Variants in ABCF1 observed in about 807,000 individuals in gnomAD.
ABCF1 encodes ATP-binding cassette sub-family F member 1.
Under a neutral mutation model 126.3 loss-of-function variants are expected in ABCF1, and 73 were observed. The observed-to-expected ratio is 0.58, with a 90% CI of 0.48 to 0.70. ABCF1 has a LOEUF of 0.70. Ranked by LOEUF, ABCF1 falls within the 30% of genes least tolerant of loss-of-function variation. The pLI is 0.00. For missense variants in ABCF1, 786 were observed against 1,057.5 expected, an observed-to-expected ratio of 0.74 and a Z score of 3.56; for synonymous variants, 345 against 396.4, an observed-to-expected ratio of 0.87 and a Z score of 1.54.
chr6:30,584,260 C>T lies in ABCF1; in HGVS notation c.1171C>T (p.Leu391=), dbSNP rs1443875421. Residue 391 remains leucine, a synonymous_variant, in exon 13 of 25, where the codon CTG becomes TTG. Transcript: ENST00000326195. This position sits in a 1 kb window ranked among gnomAD's most constrained non-coding sequence, Gnocchi z 4.6. ...AGCTGACACCAAGCGATTGAAGCTG[C>T]TGGAAGAGGAGCGGCGGCTTCAGGG... is the stretch of plus-strand genomic sequence containing the variant. ...LRADTKRLKL[L]EEERRLQGQL... 10 of 1,613,114 alleles carry T rather than the reference C, an allele frequency of 6.2e-6. No individual in the cohort carries two copies. Among genetic ancestry groups the T allele is most frequent in the African/African-American group, 5.3e-5 (4 of 75,018 alleles).
At position 30,584,805 on chromosome 6, in the gene ABCF1, TG is replaced by T. The variant is rs1802024467; in HGVS notation, c.1391+241del. Among the ~76,000 whole-genome samples, 1 of 152,166 alleles carries T rather than the reference TG, an allele frequency of 6.6e-6. No individual in the cohort carries two copies. The highest frequency in any genetic ancestry group is 2.4e-5 in the African/African-American group (1 of 41,440). On this transcript the variant is annotated intron_variant, in intron 14 of 24. Coordinates refer to ENST00000326195, the MANE Select transcript of ABCF1 (RefSeq NM_001025091.2). The surrounding 1 kb of genome is among the most constrained non-coding windows in gnomAD (Gnocchi z 4.6). ...GGTCACGCCTGTAATCCCAGCACTT[TG>T]GAAGGCAGAGGCAGGAGGATTATCT...
In ABCF1 at chr6:30,583,131, G is replaced by T. The variant is rs148328109; in HGVS notation, c.858G>T (p.Val286=). Residue 286 remains valine, a synonymous_variant, in exon 10 of 25, where the codon GTG becomes GTT. Coordinates refer to ENST00000326195, the MANE Select transcript of ABCF1 (RefSeq NM_001025091.2). The surrounding 1 kb of genome is among the most constrained non-coding windows in gnomAD (Gnocchi z 4.1). ...ATGCAGCTGAAAATGACTTCTCCGT[G>T]TCCCAGGCGGAGATGTCCTCCCGCC... ...AANAAENDFS[V]SQAEMSSRQA... is the part of the protein sequence containing the mutation. The T allele has an allele frequency of 3.1e-6, 5 of 1,611,482 alleles. No individual in the cohort carries two copies. Among genetic ancestry groups the T allele is most frequent in the Non-Finnish European group, 4.2e-6 (5 of 1,178,792 alleles).
At position 30,585,652 on chromosome 6, in the gene ABCF1, C is replaced by T; in HGVS notation, c.1570C>T (p.Gln524Ter). 2 of 1,613,006 alleles carry T rather than the reference C, an allele frequency of 1.2e-6. No individual in the cohort carries two copies. Among genetic ancestry groups the T allele is most frequent in the Non-Finnish European group, 1.7e-6 (2 of 1,180,014 alleles). Reference protein sequence around the residue: ...VCTDIIHLDAQRLHYYRGNYM... With the variant: ...VCTDIIHLDA ...CACTGATATCATCCACCTCGATGCC[C>T]AGCGGCTCCACTACTATAGGGGCAA... Residue 524 changes from glutamine to a stop codon, truncating the protein, a stop_gained, in exon 16 of 25, where the codon CAG becomes TAG. Transcript: ENST00000326195. LOFTEE classifies it high-confidence loss of function.
At position 30,573,984 on chromosome 6, in the gene ABCF1, T is replaced by C. The variant is rs1264450; in HGVS notation, c.73+2424T>C. ...CCTTGAAGGAGCAGCTTAAGCGATA[T>C]ACGAAAGGAGAGAAGACACAGTATA... On this transcript the variant is annotated intron_variant, in intron 1 of 24. Transcript: ENST00000326195. Among the ~76,000 whole-genome samples the C allele has an allele frequency of 7.2e-3, 1,101 of 152,278 alleles. 9 individuals carry two copies. Among genetic ancestry groups the C allele is most frequent in the Admixed American group, 9.7e-3 (148 of 15,300 alleles).
At chr6:30,571,642 C>T in intron 1 of ABCF1, 82 bp downstream of exon 1, 1 of 1,460,770 alleles carries the variant, frequency 6.8e-7, no homozygotes, top group South Asian at 1.2e-5. Context: ...GGTCATGGGG[C>T]ACGAGACTGA....
chr6:30,590,935 G>C lies in ABCF1; in HGVS notation c.*234G>C. On this transcript the variant is annotated 3_prime_UTR_variant, in exon 25 of 25. Coordinates refer to ENST00000326195, the MANE Select transcript of ABCF1 (RefSeq NM_001025091.2). ...ATATAACTGAGCTGGCCTTATCCTT[G>C]GCATCCCCCTAAACAAACAAGAGGT... The C allele has an allele frequency of 2.1e-6, 1 of 482,992 alleles. No individual in the cohort carries two copies. 29.9% of individuals were successfully genotyped at this position (482,992 alleles called of 1,614,324 possible).
chr6:30,574,283 GGCTTATTTTTT>G lies in ABCF1; in HGVS notation c.73+2725_73+2735del, dbSNP rs1160603895. The stretch of plus-strand genomic sequence containing the variant: ...ACTACAGGCACACACCGCCATGCCT[GGCTTATTTTTT>G]GTTTGTTTTTGTTTTTTGTTTTCTG... On this transcript the variant is annotated intron_variant, in intron 1 of 24. Transcript: ENST00000326195. The surrounding 1 kb of genome is among the most constrained non-coding windows in gnomAD (Gnocchi z 4.3). Among the ~76,000 whole-genome samples, 3 of 152,018 alleles carry G rather than the reference GGCTTATTTTTT, an allele frequency of 2.0e-5. No individual in the cohort carries two copies. Among genetic ancestry groups the G allele is most frequent in the Admixed American group, 2.0e-4 (3 of 15,254 alleles).
chr6:30,583,687 A>G lies in ABCF1; in HGVS notation c.995A>G (p.Tyr332Cys). The change falls in exon 11 of 25, where the codon TAC becomes TGC. Residue 332 changes from tyrosine (Y) to cysteine (C), a missense_variant. Tyr to Cys is a radical substitution (Grantham distance 194). This residue lies in a region of ABCF1 where 163 missense variants were observed against 255.3 expected (regional missense o/e 0.64). Coordinates refer to ENST00000326195, the MANE Select transcript of ABCF1 (RefSeq NM_001025091.2). The surrounding 1 kb of genome is among the most constrained non-coding windows in gnomAD (Gnocchi z 4.1). Reference sequence around the variant, plus strand: ...CTGTACATTGTAGCCGGCCGCCGCTACGGGCTGGTAGGACCCAATGGGTGA... The same window carrying G: ...CTGTACATTGTAGCCGGCCGCCGCTGCGGGCTGGTAGGACCCAATGGGTGA... ...ADLYIVAGRRYGLVGPNGKGK... is the reference protein window; with the variant it reads ...ADLYIVAGRRCGLVGPNGKGK... The G allele has an allele frequency of 6.2e-7, 1 of 1,614,078 alleles. No individual in the cohort carries two copies. The highest frequency in any genetic ancestry group is 8.5e-7 in the Non-Finnish European group (1 of 1,179,944).
Position 30,578,128 on chromosome 6 carries a change from A to G in ABCF1, c.269A>G (p.Asp90Gly). ...RKGRRKKDVD[D>G]DGEEKELMER... ...GGCAGGCGGAAGAAGGATGTGGATG[A>G]TGATGGAGAAGAGAAAGAGCTCATG... is the stretch of plus-strand genomic sequence containing the variant. Residue 90 changes from aspartate (D) to glycine (G), a missense_variant, in exon 4 of 25, where the codon GAT becomes GGT. Coordinates refer to ENST00000326195, the MANE Select transcript of ABCF1 (RefSeq NM_001025091.2). 1 of 1,614,048 alleles carries G rather than the reference A, an allele frequency of 6.2e-7. No homozygotes were observed. Among genetic ancestry groups the G allele is most frequent in the East Asian group, 2.2e-5 (1 of 44,878 alleles).
At chr6:30,575,242 G>A (rs1173515246) in intron 1 of ABCF1, among the ~76,000 whole-genome samples, 3 of 151,718 alleles carry the variant, frequency 2.0e-5, no homozygotes, top group African/African-American at 7.3e-5. Context: ...GCTAATTTTT[G>A]TATTTTTAGT....
rs1802389764 is a variant in ABCF1, at chr6:30,590,509, T to C, written c.2372-26T>C. 6 of 1,600,658 alleles carry C rather than the reference T, an allele frequency of 3.7e-6. No homozygotes were observed. The South Asian group carries it at 4.5e-5, about 12-fold the overall frequency. On this transcript the variant is annotated intron_variant, in intron 24 of 24. Coordinates refer to ENST00000326195, the MANE Select transcript of ABCF1 (RefSeq NM_001025091.2). ...CCCTCTTTCTCCTTTCTTCCTGCCC[T>C]CTGTTGTTGCTATCTTTCTTCAAAG...
At chr6:30,576,754 G>A (rs1396637669) in intron 1 of ABCF1, among the ~76,000 whole-genome samples, 1 of 152,094 alleles carries the variant, frequency 6.6e-6, no homozygotes, top group Non-Finnish European at 1.5e-5. Context: ...ACTTTAAAGT[G>A]TGAAAGTGAT....
At position 30,590,341 on chromosome 6, in the gene ABCF1, T is replaced by C; in HGVS notation, c.2334T>C (p.Ile778=). 6.2e-7 allele frequency: 1 copy of C among 1,611,980 alleles called. No individual in the cohort carries two copies. Among genetic ancestry groups the C allele is most frequent in the Non-Finnish European group, 8.5e-7 (1 of 1,179,342 alleles). Residue 778 remains isoleucine, a synonymous_variant, in exon 24 of 25, where the codon ATT becomes ATC. Transcript: ENST00000326195. ...EPTNNLDIES[I]DALGEAINEY... The stretch of plus-strand genomic sequence containing the variant: ...CCAATAACCTGGACATAGAGTCTAT[T>C]GATGCTCTAGGGGAGGCCATCAATG...
In ABCF1 at chr6:30,591,001, G is replaced by A; in HGVS notation, c.*300G>A. 1 of 359,918 alleles carries A rather than the reference G, an allele frequency of 2.8e-6. No individual in the cohort carries two copies. The highest frequency in any genetic ancestry group is 4.4e-5 in the East Asian group (1 of 22,608). The allele number at this position is 359,918 out of a possible 1,614,324, so 22.3% of individuals were successfully genotyped here. A position where few individuals can be genotyped will look rare whatever the true frequency, so the allele number is the denominator to read the frequency against. On this transcript the variant is annotated 3_prime_UTR_variant, in exon 25 of 25. Transcript: ENST00000326195. ...AGGTTCCATCCAGCCAAGTTTATGT[G>A]GCCTATTGTCTCAGGACTCTCATCA...
At chr6:30,588,757 A>G (rs1298870633) in intron 20 of ABCF1, among the ~76,000 whole-genome samples, 1 of 151,960 alleles carries the variant, frequency 6.6e-6, no homozygotes, top group African/African-American at 2.4e-5. Flanking sequence ...TTGAGAGGCC[A>G]TTTTCTCATA....
intron 9 of ABCF1, 73 bp downstream of exon 9, chr6:30,582,580 G>T: frequency 6.6e-7 from 1 of 1,507,936 alleles, no homozygotes; most frequent in South Asian, 1.2e-5. Context: ...TGCGATTGGG[G>T]ACACGAAGGA....
intron 4 of ABCF1, 54 bp from the exon 5 acceptor site, chr6:30,578,294 G>A: frequency 6.2e-7 from 1 of 1,613,706 alleles, no homozygotes; most frequent in Non-Finnish European, 8.5e-7. Context: ...ATTCAATTGG[G>A]GGGCCAGACA....
At chr6:30,589,399 C>T in intron 20 of ABCF1, 1 of 482,208 alleles carries the variant, frequency 2.1e-6, no homozygotes, top group Non-Finnish European at 3.7e-6. Flanking sequence ...GTCAGGAGAT[C>T]GAGACCATCC....
chr6:30,571,568 T>A lies in ABCF1; in HGVS notation c.73+8T>A. On this transcript the variant is annotated splice_region_variant and intron_variant, in intron 1 of 24. Transcript: ENST00000326195. ...AGAGCACGAGCCCATCAGGTGAGGC[T>A]GGTAGGCAAGGAAGAAACGAGCAGA... is the stretch of plus-strand genomic sequence containing the variant. 3 of 1,608,420 alleles carry A rather than the reference T, an allele frequency of 1.9e-6. No individual in the cohort carries two copies. The highest frequency in any genetic ancestry group is 2.5e-6 in the Non-Finnish European group (3 of 1,178,830).
Sources: gnomAD v4.1 joint callset for allele counts (sites outside exome capture counted in the v4.1 genomes callset) on GRCh38, gnomAD v4.1.1 for gene constraint, gnomAD v4.1.1 regional missense constraint, Gnocchi (gnomAD v3.1) non-coding constraint, MANE v1.5 for transcripts, NCBI Gene and HGNC (gene_info 2026-07-23, HGNC 2026-07-21) for gene names.